ASTN2: variants seen among roughly 807,000 people sequenced by gnomAD.
ASTN2 encodes the protein astrotactin-2.
A neutral mutation model predicts 139.8 loss-of-function variants in ASTN2; 54 were observed. The observed-to-expected ratio is 0.39, with a 90% CI of 0.31 to 0.48. The LOEUF is 0.48. ASTN2 is among the 20% of genes least tolerant of loss of function. The pLI, the probability that ASTN2 is intolerant of heterozygous loss-of-function variation, is 0.95. For missense variants in ASTN2, 1,565 were observed against 1,725.1 expected, an observed-to-expected ratio of 0.91 and a Z score of 1.64; for synonymous variants, 756 against 719.5, an observed-to-expected ratio of 1.05 and a Z score of -0.81.
intron 3 of ASTN2, among the ~76,000 whole-genome samples, chr9:117,209,541 T>A (rs1338153332): frequency 1.3e-5 from 2 of 151,992 alleles, no homozygotes; most frequent in African/African-American, 4.8e-5. Flanking sequence ...CACCAGAACA[T>A]CCTGATACAT....
intron 13 of ASTN2, among the ~76,000 whole-genome samples, chr9:116,739,696 CA>C (rs1161795057): frequency 3.9e-5 from 6 of 152,208 alleles, no homozygotes; most frequent in Non-Finnish European, 8.8e-5. Context: ...CTGTCTTTCC[CA>C]CTAGACTGTG....
intron 10 of ASTN2, among the ~76,000 whole-genome samples, chr9:116,952,481 T>C (rs1015073820): frequency 6.6e-6 from 1 of 152,200 alleles, no homozygotes; most frequent in Non-Finnish European, 1.5e-5. Context: ...TGGAGCAGCC[T>C]TGAGCATCTG....
At chr9:116,632,520 C>G (rs773397863) in intron 17 of ASTN2, among the ~76,000 whole-genome samples, 11 of 152,092 alleles carry the variant, frequency 7.2e-5, no homozygotes, top group African/African-American at 2.4e-4. Context: ...CTGGCACACA[C>G]AGCCTTTCAC....
intron 7 of ASTN2, among the ~76,000 whole-genome samples, chr9:117,004,750 C>A (rs1345078811): frequency 6.6e-6 from 1 of 152,038 alleles, no homozygotes; most frequent in Non-Finnish European, 1.5e-5. Flanking sequence ...AGATGAAGTT[C>A]CAGAGAAAAC....
intron 12 of ASTN2, among the ~76,000 whole-genome samples, chr9:116,816,019 G>A (rs1182121865): frequency 4.0e-5 from 6 of 151,790 alleles, no homozygotes; most frequent in Non-Finnish European, 7.4e-5. Context: ...TGTTTACTTT[G>A]GTTGCCAAGA....
chr9:116,485,603 C>T (rs1849313012), intron 20 of ASTN2, among the ~76,000 whole-genome samples: 1 of 152,176 alleles, frequency 6.6e-6, no homozygotes, highest in Non-Finnish European at 1.5e-5. Context: ...CCACCACTCA[C>T]CATGAGGATG....
intron 19 of ASTN2, among the ~76,000 whole-genome samples, chr9:116,550,549 A>T (rs1319937831): frequency 1.3e-5 from 2 of 152,162 alleles, no homozygotes; most frequent in African/African-American, 4.8e-5. Context: ...CTCTGAAAAC[A>T]GTGTGGGCAA....
In ASTN2 at chr9:117,299,376, G is replaced by A. The variant is rs530475709; in HGVS notation, c.443-7863C>T. 1.4e-4 allele frequency among the ~76,000 whole-genome samples: 21 copies of A among 152,336 alleles called. 1 individual carries two copies. The highest frequency in any genetic ancestry group is 5.1e-4 in the African/African-American group (21 of 41,582). On this transcript the variant is annotated intron_variant, in intron 1 of 22. Transcript: ENST00000313400. Reference sequence around the variant, plus strand: ...AGCTTAGTCCAAGGGGCTGAGAAAAGACATGCTATAAATAGCTATAAAGCA... The same window carrying A: ...AGCTTAGTCCAAGGGGCTGAGAAAAAACATGCTATAAATAGCTATAAAGCA...
chr9:116,769,093 C>T (rs559171987), intron 13 of ASTN2, among the ~76,000 whole-genome samples: 2 of 152,174 alleles, frequency 1.3e-5, no homozygotes, highest in East Asian at 3.9e-4. Context: ...GTCTGTAGCC[C>T]AGAGAAAGTG....
At chr9:117,373,494 A>G (rs1454750596) in intron 1 of ASTN2, among the ~76,000 whole-genome samples, 1 of 152,184 alleles carries the variant, frequency 6.6e-6, no homozygotes, top group Non-Finnish European at 1.5e-5. Context: ...AGGTCAAACT[A>G]AGGGATGCAG....
intron 3 of ASTN2, among the ~76,000 whole-genome samples, chr9:117,184,644 C>T (rs1831152931): frequency 6.6e-6 from 1 of 152,164 alleles, no homozygotes. Flanking sequence ...GAATGTCTTC[C>T]TCTTTTCCTG....
chr9:117,368,263 GTGTGCATGCACATGCGCACACA>G (rs905041552), intron 1 of ASTN2, among the ~76,000 whole-genome samples: 8 of 152,022 alleles, frequency 5.3e-5, no homozygotes, highest in East Asian at 3.9e-4. Flanking sequence ...ATACCAGTGG[GTGTGCATGCACATGCGCACACA>G]TGTGCATGCA....
chr9:117,242,851 C>G (rs1833256266), intron 2 of ASTN2, among the ~76,000 whole-genome samples: 1 of 152,238 alleles, frequency 6.6e-6, no homozygotes, highest in Non-Finnish European at 1.5e-5. Context: ...GAACTCCACT[C>G]TGTGTGTCAC....
intron 16 of ASTN2, among the ~76,000 whole-genome samples, chr9:116,659,240 G>A (rs1457925150): frequency 6.6e-6 from 1 of 152,022 alleles, no homozygotes; most frequent in Non-Finnish European, 1.5e-5. Context: ...TATACCATAA[G>A]TTTCATGAGA....
At chr9:116,575,883 C>A (rs1853703964) in intron 19 of ASTN2, among the ~76,000 whole-genome samples, 1 of 152,088 alleles carries the variant, frequency 6.6e-6, no homozygotes, top group Non-Finnish European at 1.5e-5. Context: ...AGCTAAAGGG[C>A]AACTCTCTGG....
chr9:116,427,659 C>A (rs143299281), intron 22 of ASTN2, among the ~76,000 whole-genome samples: 84 of 152,356 alleles, frequency 5.5e-4, no homozygotes, highest in Admixed American at 3.1e-3. Context: ...TGCATAGCAG[C>A]TGAAAAAGGA....
chr9:116,477,861 GA>G (rs869258300), intron 20 of ASTN2, among the ~76,000 whole-genome samples: 326 of 26,020 alleles, frequency 0.013, 6 homozygotes, highest in African/African-American at 0.034. Context: ...AATCAAAAAA[GA>G]AAAAAAAAAA....
rs148712153 is a variant in ASTN2 at position 117,084,892 on chromosome 9, T to C, written c.1276+11152A>G. ...ACAGTCCTATGAAATGGGTTGATTC[T>C]TGGAATTGGCATTTTAAAAAGTGAT... On this transcript the variant is annotated intron_variant, in intron 5 of 22. Transcript: ENST00000313400. Among the ~76,000 whole-genome samples the C allele has an allele frequency of 2.5e-3, 378 of 152,338 alleles. 4 individuals carry two copies. Among genetic ancestry groups the C allele is most frequent in the East Asian group, 0.016 (85 of 5,174 alleles).
intron 5 of ASTN2, among the ~76,000 whole-genome samples, chr9:117,056,565 T>C (rs1839070570): frequency 6.6e-6 from 1 of 152,170 alleles, no homozygotes; most frequent in Admixed American, 6.5e-5. Context: ...TACTGAAGAC[T>C]TCACAAGCTT....
Sources: gnomAD v4.1 joint callset for allele counts (sites outside exome capture counted in the v4.1 genomes callset) on GRCh38, gnomAD v4.1.1 for gene constraint, MANE v1.5 for transcripts, NCBI Gene and HGNC (gene_info 2026-07-23, HGNC 2026-07-21) for gene names.